APBA1: variants seen among roughly 807,000 people sequenced by gnomAD.
APBA1 encodes the protein amyloid-beta A4 precursor protein-binding family A member 1.
Under a neutral mutation model 86.6 loss-of-function variants are expected in APBA1, and 55 were observed. The ratio of observed to expected loss-of-function variants is 0.64; its 90% confidence interval spans 0.51 to 0.80. APBA1 has a LOEUF of 0.80. Ranked by LOEUF, APBA1 falls within the 30% of genes least tolerant of loss-of-function variation. APBA1 has a pLI of 0.00. For missense variants in APBA1, 1,090 were observed against 1,183.0 expected (o/e 0.92, Z 1.15); for synonymous variants, 511 against 493.9 (o/e 1.03, Z -0.46).
At chr9:69,542,285 A>G (rs916150399) in intron 1 of APBA1, among the ~76,000 whole-genome samples, 1 of 152,224 alleles carries the variant, frequency 6.6e-6, no homozygotes, top group African/African-American at 2.4e-5. Context: ...AACAAAGTCC[A>G]TCGTTTACTT....
chr9:69,631,891 C>T lies in APBA1; in HGVS notation c.-70+40262G>A, dbSNP rs527798853. 1.4e-4 allele frequency among the ~76,000 whole-genome samples: 21 copies of T among 152,218 alleles called. No homozygotes were observed. In the East Asian group the frequency reaches 4.1e-3, roughly 29 times the overall value. On this transcript the variant is annotated intron_variant, in intron 1 of 12. Transcript: ENST00000265381. Reference sequence around the variant, plus strand: ...TGGACACAGGGTGGGGAACATCACACACTGGGACCTGTCGTGGGGTTGGGG... The same window carrying T: ...TGGACACAGGGTGGGGAACATCACATACTGGGACCTGTCGTGGGGTTGGGG...
chr9:69,599,372 T>G (rs1044943599), intron 1 of APBA1, among the ~76,000 whole-genome samples: 2 of 152,218 alleles, frequency 1.3e-5, no homozygotes, highest in African/African-American at 2.4e-5. Context: ...TTATTACTCA[T>G]TCACAATAGT....
intron 1 of APBA1, among the ~76,000 whole-genome samples, chr9:69,562,950 A>T (rs1275000901): frequency 6.6e-6 from 1 of 152,148 alleles, no homozygotes; most frequent in Non-Finnish European, 1.5e-5. Context: ...ATCACTATCA[A>T]CTCCAAAGCT....
intron 1 of APBA1, among the ~76,000 whole-genome samples, chr9:69,576,653 C>T (rs1386389242): frequency 1.3e-5 from 2 of 151,854 alleles, no homozygotes; most frequent in African/African-American, 4.8e-5. Flanking sequence ...AGGAATTGAA[C>T]AATGAGAACA....
rs1328010761 is a variant in APBA1, at chr9:69,516,553, G to A, written c.658C>T (p.Arg220Cys). The change falls in exon 2 of 13, where the codon CGC (arginine) becomes TGC (cysteine). Residue 220 changes from arginine to cysteine, a missense_variant. Arg to Cys is a radical substitution (Grantham distance 180). This residue lies in a region of APBA1 where 678 missense variants were observed against 647.1 expected (regional missense o/e 1.05). Coordinates refer to ENST00000265381, the MANE Select transcript of APBA1 (RefSeq NM_001163.4). This position sits in a 1 kb window ranked among gnomAD's most constrained non-coding sequence, Gnocchi z 7.3. ...TGGCGGTACGCGGCCGCCTCGTCGCGCTCCTGCTCGTAGAGCCGCAGGCCG... is the reference window on the plus strand; with the variant it reads ...TGGCGGTACGCGGCCGCCTCGTCGCACTCCTGCTCGTAGAGCCGCAGGCCG... ...RDGLRLYEQE[R>C]DEAAAYRQEA... 6 of 1,597,214 alleles carry A rather than the reference G, an allele frequency of 3.8e-6. No homozygotes were observed. The African/African-American group carries it at 6.7e-5, about 18-fold the overall frequency.
At chr9:69,512,987 G>A (rs1442779986) in intron 2 of APBA1, among the ~76,000 whole-genome samples, 1 of 152,100 alleles carries the variant, frequency 6.6e-6, no homozygotes, top group Non-Finnish European at 1.5e-5. Context: ...ATTCTCAGTA[G>A]ACCATTAAAG....
intron 11 of APBA1, among the ~76,000 whole-genome samples, chr9:69,439,136 G>T: frequency 1.2e-5 from 1 of 86,412 alleles, no homozygotes; most frequent in Non-Finnish European, 2.3e-5. Flanking sequence ...TAGAGTTTCT[G>T]CCAAGAGATC....
intron 1 of APBA1, among the ~76,000 whole-genome samples, chr9:69,667,287 TTAAG>T (rs2134031869): frequency 6.6e-6 from 1 of 152,316 alleles, no homozygotes; most frequent in Admixed American, 6.5e-5. Context: ...CAAAAATTAC[TTAAG>T]TAGTTGTCAA....
chr9:69,648,912 T>C (rs1823441678), intron 1 of APBA1, among the ~76,000 whole-genome samples: 1 of 152,156 alleles, frequency 6.6e-6, no homozygotes, highest in African/African-American at 2.4e-5. Context: ...CTGTTTCCCT[T>C]TCACGCTCCC....
intron 1 of APBA1, among the ~76,000 whole-genome samples, chr9:69,572,034 T>C (rs920190573): frequency 3.3e-5 from 5 of 152,298 alleles, no homozygotes; most frequent in South Asian, 2.1e-4. Flanking sequence ...CTCCTGCACA[T>C]TGAGGGCAGT....
chr9:69,432,485 G>C (rs780429881), intron 12 of APBA1, 51 bp downstream of exon 12: 191 of 1,435,832 alleles, frequency 1.3e-4, no homozygotes, highest in Non-Finnish European at 1.7e-4. Context: ...TACGAGGCAG[G>C]GGCACCAGAC....
chr9:69,460,231 C>T (rs1252451596), intron 5 of APBA1, among the ~76,000 whole-genome samples: 1 of 152,208 alleles, frequency 6.6e-6, no homozygotes, highest in Non-Finnish European at 1.5e-5. Context: ...CACACAGATG[C>T]CCTGCTGTTC....
chr9:69,564,258 G>A (rs545888385), intron 1 of APBA1, among the ~76,000 whole-genome samples: 4 of 152,182 alleles, frequency 2.6e-5, no homozygotes, highest in Admixed American at 6.5e-5. Context: ...AGTGACAACT[G>A]TAATGGCTTT....
At chr9:69,541,520 A>T (rs1320759365) in intron 1 of APBA1, among the ~76,000 whole-genome samples, 3 of 147,356 alleles carry the variant, frequency 2.0e-5, no homozygotes, top group African/African-American at 7.5e-5. Flanking sequence ...AGAAATGTCT[A>T]TTCAAGTTAT....
At chr9:69,530,315 TATATATATATATATACACACAC>T (rs1836406699) in intron 1 of APBA1, among the ~76,000 whole-genome samples, 10 of 86,132 alleles carry the variant, frequency 1.2e-4, no homozygotes, top group Admixed American at 1.1e-3. Flanking sequence ...TGTATATATA[TATATATATATATATACACACAC>T]ACACACACAC....
intron 2 of APBA1, among the ~76,000 whole-genome samples, chr9:69,501,059 C>T (rs7871753): frequency 0.079 from 11,960 of 152,098 alleles, 562 homozygotes; most frequent in African/African-American, 0.098. Flanking sequence ...TGTTTACTCA[C>T]TTTTTGGTGT....
chr9:69,527,308 T>C (rs891996220), intron 1 of APBA1, among the ~76,000 whole-genome samples: 1 of 152,122 alleles, frequency 6.6e-6, no homozygotes, highest in African/African-American at 2.4e-5. Flanking sequence ...TATTATTTCC[T>C]AAATAAGGCT....
intron 1 of APBA1, among the ~76,000 whole-genome samples, chr9:69,655,051 T>C (rs146350306): frequency 3.0e-4 from 45 of 152,288 alleles, no homozygotes; most frequent in African/African-American, 1.1e-3. Context: ...AGAAGGAATA[T>C]ATTTCAACAC....
intron 1 of APBA1, among the ~76,000 whole-genome samples, chr9:69,561,303 C>T (rs1432349537): frequency 6.6e-6 from 1 of 152,168 alleles, no homozygotes; most frequent in Non-Finnish European, 1.5e-5. Context: ...TATGATGGTG[C>T]AAGCATTTTA....
Sources: allele counts gnomAD v4.1 joint callset (sites outside exome capture counted in the v4.1 genomes callset), GRCh38; gene constraint gnomAD v4.1.1; regional missense constraint gnomAD v4.1.1; non-coding constraint Gnocchi (gnomAD v3.1); transcripts MANE v1.5; gene names NCBI Gene and HGNC (gene_info 2026-07-23, HGNC 2026-07-21).